The following HSDL2 variants were observed in gnomAD, a reference collection of about 807,000 sequenced individuals.
HSDL2 encodes hydroxysteroid dehydrogenase like 2.
HSDL2 carries 27 observed loss-of-function variants against 46.3 expected under a neutral mutation model. That is an observed-to-expected ratio of 0.58 (90% CI 0.43 to 0.80). The LOEUF is 0.80. Ranked by LOEUF, HSDL2 falls within the 30% of genes least tolerant of loss-of-function variation. The pLI, the probability that HSDL2 is intolerant of heterozygous loss-of-function variation, is 0.00. For synonymous variants in HSDL2, 153 were observed against 163.6 expected (o/e 0.94, Z 0.50); for missense variants, 451 against 502.7 (o/e 0.90, Z 0.98).
chr9:112,458,785 T>C (rs916445058), intron 9 of HSDL2, among the ~76,000 whole-genome samples: 17 of 151,528 alleles, frequency 1.1e-4, no homozygotes, highest in Non-Finnish European at 2.1e-4. Flanking sequence ...ATCGAGACCA[T>C]CCTGGCTAAC....
At chr9:112,386,982 C>T (rs934058782) in intron 1 of HSDL2, among the ~76,000 whole-genome samples, 8 of 152,136 alleles carry the variant, frequency 5.3e-5, no homozygotes, top group African/African-American at 1.9e-4. Flanking sequence ...TAAGGTATAA[C>T]AGCCAGATGT....
At chr9:112,382,937 A>G (rs1460506131) in intron 1 of HSDL2, among the ~76,000 whole-genome samples, 2 of 140,856 alleles carry the variant, frequency 1.4e-5, no homozygotes, top group Non-Finnish European at 3.1e-5. Flanking sequence ...AGTTAAACCA[A>G]GATCTTTTTT....
intron 10 of HSDL2, among the ~76,000 whole-genome samples, chr9:112,462,916 G>A (rs1833256780): frequency 6.6e-6 from 1 of 152,066 alleles, no homozygotes; most frequent in South Asian, 2.1e-4. Context: ...GCTATTTCTG[G>A]ACATTTTATA....
intron 8 of HSDL2, among the ~76,000 whole-genome samples, chr9:112,445,180 A>G (rs879293228): frequency 3.9e-5 from 6 of 152,008 alleles, no homozygotes; most frequent in East Asian, 1.9e-4. Context: ...CGCTGGGCCT[A>G]TTTTCCTTCA....
intron 6 of HSDL2, among the ~76,000 whole-genome samples, chr9:112,432,110 G>T (rs1832421018): frequency 6.6e-6 from 1 of 152,126 alleles, no homozygotes; most frequent in African/African-American, 2.4e-5. Flanking sequence ...TTGAACTCCT[G>T]ACCTCAGGTG....
At chr9:112,421,202 C>G (rs1832114882) in intron 6 of HSDL2, among the ~76,000 whole-genome samples, 1 of 152,088 alleles carries the variant, frequency 6.6e-6, no homozygotes, top group Non-Finnish European at 1.5e-5. Flanking sequence ...TGGAGCATGC[C>G]TGTGGTCACA....
chr9:112,452,058 T>C (rs528313555), intron 8 of HSDL2, among the ~76,000 whole-genome samples: 1 of 152,334 alleles, frequency 6.6e-6, no homozygotes, highest in South Asian at 2.1e-4. Context: ...GGGTACACTG[T>C]AGTAAATTTT....
intron 6 of HSDL2, among the ~76,000 whole-genome samples, chr9:112,432,482 G>A (rs1052500861): frequency 5.9e-5 from 9 of 152,180 alleles, no homozygotes; most frequent in Non-Finnish European, 1.3e-4. Flanking sequence ...GAATGAATGT[G>A]CAATATGATT....
At chr9:112,396,120 T>C (rs956358238) in intron 1 of HSDL2, among the ~76,000 whole-genome samples, 5 of 152,200 alleles carry the variant, frequency 3.3e-5, no homozygotes, top group Non-Finnish European at 7.3e-5. Context: ...ATAAGAGTTA[T>C]GTGGAATATT....
intron 10 of HSDL2, among the ~76,000 whole-genome samples, chr9:112,470,082 T>A (rs1833527337): frequency 6.6e-6 from 1 of 152,206 alleles, no homozygotes; most frequent in African/African-American, 2.4e-5. Context: ...AAAAGTTTAA[T>A]GAACTATCGT....
At chr9:112,457,016 C>T (rs1314815530) in intron 9 of HSDL2, among the ~76,000 whole-genome samples, 6 of 152,066 alleles carry the variant, frequency 3.9e-5, no homozygotes, top group African/African-American at 4.8e-5. Context: ...GGCTTGGTGG[C>T]GCGTGCCTGT....
At chr9:112,383,201 G>A (rs1000131795) in intron 1 of HSDL2, among the ~76,000 whole-genome samples, 1 of 152,004 alleles carries the variant, frequency 6.6e-6, no homozygotes, top group African/African-American at 2.4e-5. Flanking sequence ...AGCCTCACAA[G>A]TAGCTGGGAT....
Position 112,471,297 on chromosome 9 carries a change from C to CCTAA in HSDL2, c.*756_*759dup, listed in dbSNP as rs1357541544. 2 of 152,128 alleles carry CCTAA rather than the reference C, an allele frequency of 1.3e-5. No individual in the cohort carries two copies. Among genetic ancestry groups the CCTAA allele is most frequent in the African/African-American group, 4.8e-5 (2 of 41,422 alleles). The allele number at this position is 152,128 out of a possible 1,614,324, so 9.4% of individuals were successfully genotyped here. A position where few individuals can be genotyped will look rare whatever the true frequency, so the allele number is the denominator to read the frequency against. ...TATCCCCCAATTCATTTGTTGAGGT[C>CCTAA]CTAACTCCCATTTCTTTTGAATGTG... On this transcript the variant is annotated 3_prime_UTR_variant, in exon 11 of 11. Transcript: ENST00000398805.
intron 1 of HSDL2, among the ~76,000 whole-genome samples, chr9:112,400,399 G>C (rs1831562088): frequency 6.6e-6 from 1 of 152,176 alleles, no homozygotes; most frequent in Non-Finnish European, 1.5e-5. Flanking sequence ...ATGAGGTCAA[G>C]AGATCAAGAC....
At chr9:112,433,574 G>C (rs1255074472) in intron 6 of HSDL2, among the ~76,000 whole-genome samples, 3 of 152,182 alleles carry the variant, frequency 2.0e-5, no homozygotes, top group African/African-American at 4.8e-5. Flanking sequence ...CTGAATATGG[G>C]ATGGCTTGTA....
At chr9:112,438,648 AAGT>A in intron 7 of HSDL2, 23 bp downstream of exon 7, 1 of 1,365,924 alleles carries the variant, frequency 7.3e-7, no homozygotes. Context: ...TAGTTTTTAA[AAGT>A]AGTGATACGT....
At chr9:112,424,094 G>A (rs931292806) in intron 6 of HSDL2, among the ~76,000 whole-genome samples, 2 of 151,720 alleles carry the variant, frequency 1.3e-5, no homozygotes, top group Non-Finnish European at 2.9e-5. Context: ...GCTGAGGTGG[G>A]CGGATCACGA....
intron 1 of HSDL2, among the ~76,000 whole-genome samples, chr9:112,385,491 G>T (rs1370192379): frequency 4.6e-5 from 3 of 65,382 alleles, no homozygotes; most frequent in Non-Finnish European, 6.1e-5. Flanking sequence ...ACCACACCTG[G>T]CTAATTTTTT....
intron 1 of HSDL2, among the ~76,000 whole-genome samples, chr9:112,386,127 C>G (rs1005047517): frequency 6.6e-6 from 1 of 151,924 alleles, no homozygotes; most frequent in Non-Finnish European, 1.5e-5. Context: ...ACTATGTTGC[C>G]CAGGCTGGTT....
Sources: allele counts gnomAD v4.1 joint callset (sites outside exome capture counted in the v4.1 genomes callset), GRCh38; gene constraint gnomAD v4.1.1; transcripts MANE v1.5; gene names NCBI Gene and HGNC (gene_info 2026-07-23, HGNC 2026-07-21).